Variants in CAB39 observed in about 807,000 individuals in gnomAD.
CAB39 encodes the protein calcium binding protein 39.
Under a neutral mutation model 40.0 loss-of-function variants are expected in CAB39, and 8 were observed. The ratio of observed to expected loss-of-function variants is 0.20; its 90% CI spans 0.12 to 0.36. The LOEUF is 0.36. Ranked by LOEUF, CAB39 falls within the 10% of genes least tolerant of loss-of-function variation. The probability of loss-of-function intolerance (pLI) is 1.00; values close to 1 mark genes in which losing one functional copy is unlikely to be tolerated. For synonymous variants in CAB39, 156 were observed against 141.6 expected (o/e 1.10, Z -0.72); for missense variants, 270 against 401.1 (o/e 0.67, Z 2.79).
chr2:230,781,166 T>C (rs1695680234), intron 2 of CAB39, among the ~76,000 whole-genome samples: 2 of 152,044 alleles, frequency 1.3e-5, no homozygotes, highest in Admixed American at 1.3e-4. Context: ...AAGTTTGAGA[T>C]AGGATGCAGA....
chr2:230,745,287 C>T lies in CAB39; in HGVS notation c.-43-14672C>T, dbSNP rs556463757. 5.1e-4 allele frequency among the ~76,000 whole-genome samples: 77 copies of T among 152,330 alleles called. 1 individual carries two copies. Among genetic ancestry groups the T allele is most frequent in the African/African-American group, 1.7e-3 (69 of 41,572 alleles). Reference sequence around the variant, plus strand: ...CCGCTAACAATGGTCTACCTTTACCCTTGCCTCTCTATTCTGGAAAGGTTA... The same window carrying T: ...CCGCTAACAATGGTCTACCTTTACCTTTGCCTCTCTATTCTGGAAAGGTTA... On this transcript the variant is annotated intron_variant, in intron 1 of 8. Transcript: ENST00000258418.
intron 2 of CAB39, among the ~76,000 whole-genome samples, chr2:230,770,827 C>G (rs538001729): frequency 2.0e-4 from 31 of 152,026 alleles, no homozygotes; most frequent in African/African-American, 6.8e-4. Context: ...GGGAAAAAAA[C>G]CAGCATCTAT....
At position 230,818,719 on chromosome 2, in the gene CAB39, C is replaced by T; in HGVS notation, c.*15C>T. ...AAGAAGCTTAATCTCCAATAAACATCTATGTTAAATCCAAATTCAGCATTT... is the reference window on the plus strand; with the variant it reads ...AAGAAGCTTAATCTCCAATAAACATTTATGTTAAATCCAAATTCAGCATTT... On this transcript the variant is annotated 3_prime_UTR_variant, in exon 9 of 9. Transcript: ENST00000258418. 6.2e-7 allele frequency: 1 copy of T among 1,601,276 alleles called. No individual in the cohort carries two copies. Among genetic ancestry groups the T allele is most frequent in the Non-Finnish European group, 8.5e-7 (1 of 1,170,064 alleles).
chr2:230,793,808 A>G (rs1317898880), intron 4 of CAB39, among the ~76,000 whole-genome samples: 3 of 152,156 alleles, frequency 2.0e-5, no homozygotes, highest in Non-Finnish European at 4.4e-5. Context: ...GTGTCCTTTG[A>G]TTTTTACCTC....
chr2:230,752,606 C>G (rs188636010), intron 1 of CAB39, among the ~76,000 whole-genome samples: 1 of 152,168 alleles, frequency 6.6e-6, no homozygotes, highest in Non-Finnish European at 1.5e-5. Flanking sequence ...TTTCCACTTC[C>G]CAACACTTGC....
intron 1 of CAB39, among the ~76,000 whole-genome samples, chr2:230,717,933 C>T (rs1490825288): frequency 6.6e-6 from 1 of 152,128 alleles, no homozygotes; most frequent in African/African-American, 2.4e-5. Context: ...GGAGGTAAAT[C>T]CTGCCTTGGC....
At chr2:230,747,833 C>T (rs1269427323) in intron 1 of CAB39, among the ~76,000 whole-genome samples, 2 of 152,220 alleles carry the variant, frequency 1.3e-5, no homozygotes, top group Non-Finnish European at 2.9e-5. Context: ...CATCTGTCCC[C>T]CACCTTGTTC....
chr2:230,718,725 T>C (rs1256452578), intron 1 of CAB39, among the ~76,000 whole-genome samples: 3 of 152,182 alleles, frequency 2.0e-5, no homozygotes, highest in Non-Finnish European at 2.9e-5. Flanking sequence ...GGAGAAACTT[T>C]AGAACTTCAG....
chr2:230,793,400 A>AG, intron 4 of CAB39, 69 bp downstream of exon 4: 1 of 712,796 alleles, frequency 1.4e-6, no homozygotes, highest in South Asian at 2.6e-5. Context: ...GGGAAAAAAA[A>AG]CAGGATGCTG....
At chr2:230,785,245 C>G (rs1417692151) in intron 2 of CAB39, among the ~76,000 whole-genome samples, 1 of 152,124 alleles carries the variant, frequency 6.6e-6, no homozygotes, top group Non-Finnish European at 1.5e-5. Flanking sequence ...TAATGACATG[C>G]AGGTCAGTGA....
At chr2:230,789,673 C>T (rs1042347800) in intron 2 of CAB39, among the ~76,000 whole-genome samples, 2 of 152,216 alleles carry the variant, frequency 1.3e-5, no homozygotes, top group Non-Finnish European at 2.9e-5. Flanking sequence ...CAGTTGAAGA[C>T]ATGAGTGGGC....
intron 2 of CAB39, among the ~76,000 whole-genome samples, chr2:230,786,568 G>T (rs1695798197): frequency 6.6e-6 from 1 of 152,106 alleles, no homozygotes; most frequent in Non-Finnish European, 1.5e-5. Context: ...ATCTTTTGCT[G>T]TCAGAATAGA....
chr2:230,800,398 G>A (rs1696068717), intron 5 of CAB39, among the ~76,000 whole-genome samples: 1 of 152,214 alleles, frequency 6.6e-6, no homozygotes, highest in Non-Finnish European at 1.5e-5. Flanking sequence ...GGAGTTGAAA[G>A]CCTCAGGTGA....
At chr2:230,730,998 CTAAT>C (rs562038912) in intron 1 of CAB39, among the ~76,000 whole-genome samples, 81 of 152,254 alleles carry the variant, frequency 5.3e-4, no homozygotes, top group African/African-American at 1.7e-3. Flanking sequence ...CATTTTATAA[CTAAT>C]TGAGATACAA....
chr2:230,810,222 C>T, intron 5 of CAB39, 41 bp from the exon 6 acceptor site: 1 of 927,196 alleles, frequency 1.1e-6, no homozygotes, highest in Non-Finnish European at 1.7e-6. Flanking sequence ...TTTTTGAAAA[C>T]TTGGAGAACA....
chr2:230,798,223 A>T (rs1462366129), intron 4 of CAB39, among the ~76,000 whole-genome samples: 1 of 152,344 alleles, frequency 6.6e-6, no homozygotes, highest in Admixed American at 6.5e-5. Flanking sequence ...TAGTGTTTAC[A>T]TGTGGCTGAG....
At chr2:230,746,747 T>G (rs1694984513) in intron 1 of CAB39, among the ~76,000 whole-genome samples, 1 of 152,218 alleles carries the variant, frequency 6.6e-6, no homozygotes, top group Non-Finnish European at 1.5e-5. Context: ...AATTTTCTAG[T>G]CAACTCTTGG....
At chr2:230,745,101 C>G (rs1225191748) in intron 1 of CAB39, among the ~76,000 whole-genome samples, 1 of 152,180 alleles carries the variant, frequency 6.6e-6, no homozygotes, top group Non-Finnish European at 1.5e-5. Context: ...ACAATACATT[C>G]ACTAAGCCCA....
intron 1 of CAB39, among the ~76,000 whole-genome samples, chr2:230,727,421 T>TC (rs1254829371): frequency 6.8e-6 from 1 of 147,150 alleles, no homozygotes; most frequent in Non-Finnish European, 1.5e-5. Flanking sequence ...TTTTTCTTTT[T>TC]TTTTTTTTTT....
Sources: gnomAD v4.1 joint callset for allele counts (sites outside exome capture counted in the v4.1 genomes callset) on GRCh38, gnomAD v4.1.1 for gene constraint, MANE v1.5 for transcripts, NCBI Gene and HGNC (gene_info 2026-07-23, HGNC 2026-07-21) for gene names.